ZNF133: variants seen among roughly 807,000 people sequenced by gnomAD.
ZNF133 encodes the protein zinc finger protein 133.
ZNF133 carries 26 observed loss-of-function variants against 54.9 expected under a neutral mutation model. The observed-to-expected ratio is 0.47, with a 90% CI of 0.35 to 0.66. ZNF133 has a LOEUF of 0.66. Among genes scored for constraint, ZNF133 ranks in the 30% least tolerant of loss-of-function variants. ZNF133 has a pLI of 0.01. For synonymous variants in ZNF133, 298 were observed against 320.3 expected, an observed-to-expected ratio of 0.93 and a Z score of 0.74; for missense variants, 653 against 820.8, an observed-to-expected ratio of 0.80 and a Z score of 2.50.
intron 1 of ZNF133, among the ~76,000 whole-genome samples, chr20:18,291,990 C>A (rs2041149616): frequency 6.6e-6 from 1 of 152,210 alleles, no homozygotes; most frequent in African/African-American, 2.4e-5. Context: ...TATCTTGGAG[C>A]AGAAGCATTT....
intron 6 of ZNF133, chr20:18,306,743 A>G (rs771273033): frequency 1.5e-6 from 2 of 1,341,526 alleles, no homozygotes; most frequent in Admixed American, 2.1e-5. Context: ...ACCTACAGAA[A>G]GAAGGCAAGC....
intron 6 of ZNF133, among the ~76,000 whole-genome samples, chr20:18,310,925 A>G (rs969398943): frequency 6.6e-6 from 1 of 152,250 alleles, no homozygotes; most frequent in Non-Finnish European, 1.5e-5. Context: ...AGGAGTTACC[A>G]TAATTATGAA....
In ZNF133 at chr20:18,315,336, C is replaced by T. The variant is rs149892450; in HGVS notation, c.485C>T (p.Thr162Ile). The T allele has an allele frequency of 2.9e-3, 4,690 of 1,614,128 alleles. 9 individuals are homozygous for T. The highest frequency in any genetic ancestry group is 3.5e-3 in the Non-Finnish European group (4,124 of 1,180,016). Residue 162 changes from threonine to isoleucine, a missense_variant, in exon 7 of 7, where the codon ACT becomes ATT. Physicochemically the swap from Thr to Ile is moderately conservative, Grantham distance 89. Transcript: ENST00000425686. ...TTGTTTGGAAGAACCAAGAAAAGGA[C>T]TCTGGGAGCGTTCTCCAGGCCACCC... ...MPLFGRTKKRTLGAFSRPPQR... is the reference protein window; with the variant it reads ...MPLFGRTKKRILGAFSRPPQR...
At position 18,305,800 on chromosome 20, in the gene ZNF133, C is replaced by T. The variant is rs1181702712; in HGVS notation, c.114C>T (p.Val38=). The change falls in exon 5 of 7, where the codon GTC becomes GTT. Residue 38 remains valine, a synonymous_variant. Transcript: ENST00000425686. The surrounding 1 kb of genome is among the most constrained non-coding windows in gnomAD (Gnocchi z 4.7). ...TGCTGGAGAACTACAGCAACCTGGTCTCACTGGGTAAGCCTGATATCTGTT... is the reference window on the plus strand; with the variant it reads ...TGCTGGAGAACTACAGCAACCTGGTTTCACTGGGTAAGCCTGATATCTGTT... ...EVMLENYSNL[V]SLGISFSKPE... The T allele has an allele frequency of 1.2e-6, 2 of 1,613,230 alleles. No individual in the cohort carries two copies. Among genetic ancestry groups the T allele is most frequent in the Admixed American group, 1.7e-5 (1 of 59,898 alleles).
intron 1 of ZNF133, chr20:18,289,796 C>T (rs2040527817): frequency 6.6e-6 from 1 of 152,248 alleles, no homozygotes; most frequent in Non-Finnish European, 1.5e-5. Context: ...GCTTCATGCT[C>T]AGCGTCAACA....
At chr20:18,301,629 T>C (rs1186712661) in intron 3 of ZNF133, among the ~76,000 whole-genome samples, 1 of 152,230 alleles carries the variant, frequency 6.6e-6, no homozygotes, top group Non-Finnish European at 1.5e-5. Context: ...AAGAGAACTA[T>C]AAATTGTATG....
intron 3 of ZNF133, among the ~76,000 whole-genome samples, chr20:18,301,027 A>G (rs2043260119): frequency 6.6e-6 from 1 of 152,184 alleles, no homozygotes; most frequent in Non-Finnish European, 1.5e-5. Flanking sequence ...CACATGGGAC[A>G]TTTTGCAGGA....
chr20:18,299,289 T>G (rs1478690768), intron 3 of ZNF133, among the ~76,000 whole-genome samples: 1 of 152,096 alleles, frequency 6.6e-6, no homozygotes, highest in African/African-American at 2.4e-5. Context: ...AATTTTGGAT[T>G]TAAAAAGTAC....
At chr20:18,294,541 C>G (rs1478964074) in intron 1 of ZNF133, among the ~76,000 whole-genome samples, 2 of 152,164 alleles carry the variant, frequency 1.3e-5, no homozygotes, top group Non-Finnish European at 2.9e-5. Context: ...AAGATGTTAA[C>G]ATTAGAGAAA....
chr20:18,300,389 CA>C (rs2043131783), intron 3 of ZNF133, among the ~76,000 whole-genome samples: 1 of 151,558 alleles, frequency 6.6e-6, no homozygotes, highest in South Asian at 2.1e-4. Context: ...CAACCAAAGA[CA>C]AAAAAAGGAC....
At chr20:18,312,219 G>A (rs998078852) in intron 6 of ZNF133, among the ~76,000 whole-genome samples, 3 of 152,188 alleles carry the variant, frequency 2.0e-5, no homozygotes, top group East Asian at 1.9e-4. Context: ...CCTGTCACAT[G>A]AGATCAGCTG....
At chr20:18,289,784 T>A (rs1389739874) in intron 1 of ZNF133, 1 of 152,226 alleles carries the variant, frequency 6.6e-6, no homozygotes, top group Non-Finnish European at 1.5e-5. Context: ...ACAGAGAAGG[T>A]CGCTTCATGC....
In ZNF133 at chr20:18,298,054, A is replaced by AG. The variant is rs1568742238; in HGVS notation, c.-358dup. ...AAAAGCCACAGGGTCCCGGAGAGCC[A>AG]GGGGAATGGTGAGTGTTTCCTGTCT... On this transcript the variant is annotated 5_prime_UTR_variant, in exon 2 of 7. Coordinates refer to ENST00000425686, the MANE Select transcript of ZNF133 (RefSeq NM_001352452.2). 2.6e-6 allele frequency: 4 copies of AG among 1,535,528 alleles called. No homozygotes were observed. The highest frequency in any genetic ancestry group is 3.5e-6 in the Non-Finnish European group (4 of 1,146,810).
Position 18,316,861 on chromosome 20 carries a change from T to C in ZNF133, c.*45T>C. 6.5e-7 allele frequency: 1 copy of C among 1,540,092 alleles called. No individual in the cohort carries two copies. The highest frequency in any genetic ancestry group is 8.7e-7 in the Non-Finnish European group (1 of 1,144,404). On this transcript the variant is annotated 3_prime_UTR_variant, in exon 7 of 7. Transcript: ENST00000425686. ...GACTAAGAGTCAGAATGTTGACACT[T>C]TGATGAAATGGAGTAGAGAAATGCA...
At chr20:18,297,579 A>G (rs974540671) in intron 1 of ZNF133, among the ~76,000 whole-genome samples, 1 of 148,446 alleles carries the variant, frequency 6.7e-6, no homozygotes, top group African/African-American at 2.5e-5. Context: ...TCTCATTTTC[A>G]TTTTTTTTAA....
intron 3 of ZNF133, among the ~76,000 whole-genome samples, chr20:18,299,736 T>C (rs1192711181): frequency 6.6e-6 from 1 of 152,150 alleles, no homozygotes; most frequent in Non-Finnish European, 1.5e-5. Context: ...ATAAGATTAT[T>C]AGCAAATTTC....
chr20:18,301,354 G>C (rs1440010679), intron 3 of ZNF133, among the ~76,000 whole-genome samples: 1 of 151,902 alleles, frequency 6.6e-6, no homozygotes, highest in Non-Finnish European at 1.5e-5. Context: ...TACAACTTAG[G>C]GAACCAGAAA....
intron 3 of ZNF133, among the ~76,000 whole-genome samples, chr20:18,299,375 A>G (rs1568746550): frequency 6.6e-6 from 1 of 152,224 alleles, no homozygotes; most frequent in Non-Finnish European, 1.5e-5. Context: ...ACCAGGAGAT[A>G]GGACAATTAT....
In ZNF133 at chr20:18,316,931, A is replaced by G. The variant is rs965464038; in HGVS notation, c.*115A>G. 9.1e-5 allele frequency: 118 copies of G among 1,290,716 alleles called. No individual in the cohort carries two copies. Among genetic ancestry groups the G allele is most frequent in the Non-Finnish European group, 2.4e-5 (23 of 959,694 alleles). 80.0% of individuals were successfully genotyped at this position (1,290,716 alleles called of 1,614,324 possible). A position where few individuals can be genotyped will look rare whatever the true frequency, so the allele number is the denominator to read the frequency against. On this transcript the variant is annotated 3_prime_UTR_variant, in exon 7 of 7. Coordinates refer to ENST00000425686, the MANE Select transcript of ZNF133 (RefSeq NM_001352452.2). ...ACATTTGACTGTTTACTTTCTCCAC[A>G]CTAAGTCTTCTCCATGTTTTGTGGC...
Sources: allele counts gnomAD v4.1 joint callset (sites outside exome capture counted in the v4.1 genomes callset), GRCh38; gene constraint gnomAD v4.1.1; non-coding constraint Gnocchi (gnomAD v3.1); transcripts MANE v1.5; gene names NCBI Gene and HGNC (gene_info 2026-07-23, HGNC 2026-07-21).